The following MCTP1 variants were observed in gnomAD, a reference collection of about 807,000 sequenced individuals.
The protein encoded by MCTP1 is multiple C2 and transmembrane domain-containing protein 1.
In MCTP1, 69 loss-of-function variants were observed where a neutral mutation model predicts 120.6. The ratio of observed to expected loss-of-function variants is 0.57; its 90% confidence interval spans 0.47 to 0.70. MCTP1 has a LOEUF of 0.70. Among genes scored for constraint, MCTP1 ranks in the 30% least tolerant of loss-of-function variants. The pLI, the probability that MCTP1 is intolerant of heterozygous loss-of-function variation, is 0.00. For synonymous variants in MCTP1, 529 were observed against 493.1 expected, an observed-to-expected ratio of 1.07 and a Z score of -0.96; for missense variants, 1,203 against 1,248.8, an observed-to-expected ratio of 0.96 and a Z score of 0.55.
intron 18 of MCTP1, among the ~76,000 whole-genome samples, chr5:94,790,788 T>C (rs1457144167): frequency 6.6e-6 from 1 of 151,898 alleles, no homozygotes; most frequent in African/African-American, 2.4e-5. Flanking sequence ...TAATGATAAT[T>C]AGTGGTTACC....
At chr5:94,855,709 A>T (rs1331542852) in intron 17 of MCTP1, among the ~76,000 whole-genome samples, 1 of 151,762 alleles carries the variant, frequency 6.6e-6, no homozygotes, top group Admixed American at 6.6e-5. Context: ...GAAACCTATT[A>T]TCTATGTGAA....
At position 94,867,193 on chromosome 5, in the gene MCTP1, A is replaced by G. The variant is rs552975130; in HGVS notation, c.2436+1140T>C. 42 of 1,364,146 alleles carry G rather than the reference A, an allele frequency of 3.1e-5. No homozygotes were observed. The South Asian group carries it at 6.8e-4, about 22-fold the overall frequency. 84.5% of individuals were successfully genotyped at this position (1,364,146 alleles called of 1,614,324 possible). A position where few individuals can be genotyped will look rare whatever the true frequency, so the allele number is the denominator to read the frequency against. Reference sequence around the variant, plus strand: ...TATAAGAAAGAGCTACAAAAAGAATACTGAGAGAGACAGAGAGAGAGAGAT... The same window carrying G: ...TATAAGAAAGAGCTACAAAAAGAATGCTGAGAGAGACAGAGAGAGAGAGAT... On this transcript the variant is annotated intron_variant, in intron 17 of 22. Coordinates refer to ENST00000515393, the MANE Select transcript of MCTP1 (RefSeq NM_024717.7).
rs114465355 is a variant in MCTP1, at chr5:94,782,800, C to T, written c.2557-3637G>A. Among the ~76,000 whole-genome samples the T allele has an allele frequency of 9.9e-3, 1,507 of 152,210 alleles. 20 individuals carry two copies. Among genetic ancestry groups the T allele is most frequent in the African/African-American group, 0.034 (1,402 of 41,530 alleles). On this transcript the variant is annotated intron_variant, in intron 18 of 22. Transcript: ENST00000515393. ...GGGCAATAATTTAATGAACAACATACACTATACATAGGATTTCCTTGAAGG... is the reference window on the plus strand; with the variant it reads ...GGGCAATAATTTAATGAACAACATATACTATACATAGGATTTCCTTGAAGG...
intron 2 of MCTP1, among the ~76,000 whole-genome samples, chr5:94,954,796 T>A (rs1188370120): frequency 6.6e-6 from 1 of 152,164 alleles, no homozygotes; most frequent in Non-Finnish European, 1.5e-5. Flanking sequence ...GGTCCCATAT[T>A]TTTTCTTGCT....
rs745503837 is a variant in MCTP1, at chr5:95,017,444, GGGACT to G, written c.756_760del (p.Glu252AspfsTer4). 3.7e-5 allele frequency: 59 copies of G among 1,609,874 alleles called. No individual in the cohort carries two copies. The African/African-American group carries it at 7.2e-4, about 20-fold the overall frequency. On this transcript the variant is annotated frameshift_variant, in exon 2 of 23. Coordinates refer to ENST00000515393, the MANE Select transcript of MCTP1 (RefSeq NM_024717.7). LOFTEE classifies it high-confidence loss of function. Reference sequence around the variant, plus strand: ...CTGGTACATTCCGGGATCAGCCAAGGGGACTTCTGCATTACTGGTTCCAGCAGTGT... The same window carrying G: ...CTGGTACATTCCGGGATCAGCCAAGGTCTGCATTACTGGTTCCAGCAGTGT...
intron 1 of MCTP1, among the ~76,000 whole-genome samples, chr5:95,172,772 C>T (rs867330596): frequency 1.3e-5 from 2 of 152,070 alleles, no homozygotes; most frequent in Admixed American, 6.6e-5. Flanking sequence ...TGTTGTGTGC[C>T]ATTTCCTTAC....
intron 8 of MCTP1, 150 bp downstream of exon 8, chr5:94,917,746 C>T (rs1810457208): frequency 1.0e-5 from 6 of 589,458 alleles, no homozygotes; most frequent in Non-Finnish European, 1.8e-5. Flanking sequence ...TTACATTATT[C>T]CTTGAAAAAA....
At chr5:95,056,373 C>T (rs570759941) in intron 1 of MCTP1, among the ~76,000 whole-genome samples, 14 of 152,222 alleles carry the variant, frequency 9.2e-5, no homozygotes, top group Middle Eastern at 3.4e-3. Context: ...AATCAGATCA[C>T]GGTAGTTAAG....
At chr5:95,200,733 C>T (rs1415725191) in intron 1 of MCTP1, among the ~76,000 whole-genome samples, 3 of 152,270 alleles carry the variant, frequency 2.0e-5, no homozygotes, top group East Asian at 3.9e-4. Flanking sequence ...ATCTATTATA[C>T]AACATGGTGG....
chr5:94,867,888 T>C (rs1297605300), intron 17 of MCTP1: 1 of 157,688 alleles, frequency 6.3e-6, no homozygotes, highest in African/African-American at 2.4e-5. Context: ...TGTTAAAGCA[T>C]TACCAAGTAG....
chr5:94,885,541 T>C (rs1372760556), intron 12 of MCTP1, among the ~76,000 whole-genome samples: 1 of 152,038 alleles, frequency 6.6e-6, no homozygotes, highest in Non-Finnish European at 1.5e-5. Context: ...AAAAAAGACA[T>C]ATGATAATAT....
intron 10 of MCTP1, among the ~76,000 whole-genome samples, chr5:94,902,533 T>C (rs916773383): frequency 2.0e-5 from 3 of 152,206 alleles, no homozygotes; most frequent in African/African-American, 7.2e-5. Context: ...CAATTTTACA[T>C]AATTTTTAGC....
intron 19 of MCTP1, among the ~76,000 whole-genome samples, chr5:94,755,992 T>C (rs1292972057): frequency 2.0e-5 from 3 of 152,230 alleles, no homozygotes; most frequent in Admixed American, 1.3e-4. Flanking sequence ...TCAGACCTTC[T>C]GTTCCATTTA....
At chr5:94,873,876 AT>A (rs34390357) in intron 12 of MCTP1, among the ~76,000 whole-genome samples, 19,204 of 146,678 alleles carry the variant, frequency 0.13, 1,523 homozygotes, top group African/African-American at 0.24. Context: ...AAAGAGCAGT[AT>A]TTTTTTTTTT....
At chr5:94,726,631 A>T (rs557211719) in intron 19 of MCTP1, among the ~76,000 whole-genome samples, 1 of 152,308 alleles carries the variant, frequency 6.6e-6, no homozygotes, top group East Asian at 1.9e-4. Context: ...CATCTTTTAT[A>T]GGACTTTATG....
intron 18 of MCTP1, among the ~76,000 whole-genome samples, chr5:94,781,408 T>A (rs1041900956): frequency 2.0e-5 from 3 of 152,158 alleles, no homozygotes; most frequent in Admixed American, 2.0e-4. Context: ...GAATGCATCA[T>A]CTACCCTTCA....
chr5:94,815,096 C>T (rs946722031), intron 17 of MCTP1, among the ~76,000 whole-genome samples: 15 of 152,102 alleles, frequency 9.9e-5, no homozygotes, highest in African/African-American at 3.6e-4. Context: ...TCAGTGCCTC[C>T]CTTAGGTTGG....
intron 1 of MCTP1, among the ~76,000 whole-genome samples, chr5:95,059,924 A>G (rs1748483476): frequency 6.6e-6 from 1 of 152,192 alleles, no homozygotes; most frequent in African/African-American, 2.4e-5. Flanking sequence ...GTTCTAGTCC[A>G]TAAACCCAGG....
chr5:94,811,831 T>C (rs1783491640), intron 17 of MCTP1, among the ~76,000 whole-genome samples: 1 of 152,188 alleles, frequency 6.6e-6, no homozygotes, highest in Admixed American at 6.5e-5. Flanking sequence ...TCCTGAAATG[T>C]CTGTAGTTTA....
Sources: gnomAD v4.1 joint callset for allele counts (sites outside exome capture counted in the v4.1 genomes callset) on GRCh38, gnomAD v4.1.1 for gene constraint, MANE v1.5 for transcripts, NCBI Gene and HGNC (gene_info 2026-07-23, HGNC 2026-07-21) for gene names.